RAB37: variants seen among roughly 807,000 people sequenced by gnomAD.
The protein encoded by RAB37 is RAB37, member RAS oncogene family.
Under a neutral mutation model 33.1 loss-of-function variants are expected in RAB37, and 29 were observed. The ratio of observed to expected loss-of-function variants is 0.88; its 90% CI spans 0.65 to 1.20. The LOEUF (loss-of-function observed/expected upper bound fraction) is 1.20, where lower values mean the gene tolerates loss of function less well. Ranked by LOEUF, RAB37 falls within the 50% of genes most tolerant of loss-of-function variation. The pLI, the probability that RAB37 is intolerant of heterozygous loss-of-function variation, is 0.00. For synonymous variants in RAB37, 128 were observed against 119.5 expected, an observed-to-expected ratio of 1.07 and a Z score of -0.47; for missense variants, 299 against 301.1, an observed-to-expected ratio of 0.99 and a Z score of 0.05.
chr17:74,705,084 C>G, intron 1 of RAB37: 1 of 645,716 alleles, frequency 1.5e-6, no homozygotes, highest in Non-Finnish European at 2.8e-6. Flanking sequence ...TCACCCCTCT[C>G]TCCACCCTAC....
intron 1 of RAB37, chr17:74,672,830 T>A (rs2031735575): frequency 1.3e-5 from 2 of 152,212 alleles, no homozygotes; most frequent in African/African-American, 4.8e-5. Flanking sequence ...TAACAAGATC[T>A]CTAGGAATAA....
intron 1 of RAB37, among the ~76,000 whole-genome samples, chr17:74,677,933 T>C (rs2031875503): frequency 6.6e-6 from 1 of 152,176 alleles, no homozygotes; most frequent in South Asian, 2.1e-4. Flanking sequence ...GACTCACTTG[T>C]GTTGCTGCCC....
At position 74,730,035 on chromosome 17, in the gene RAB37, G is replaced by A. The variant is rs920791910; in HGVS notation, c.183+669G>A. Among the ~76,000 whole-genome samples, 9 of 152,224 alleles carry A rather than the reference G, an allele frequency of 5.9e-5. No individual in the cohort carries two copies. The highest frequency in any genetic ancestry group is 2.0e-4 in the Admixed American group (3 of 15,298). On this transcript the variant is annotated intron_variant, in intron 2 of 7. Transcript: ENST00000340415. The surrounding 1 kb of genome is among the most constrained non-coding windows in gnomAD (Gnocchi z 4.4). Reference sequence around the variant, plus strand: ...CCAGTGCCCTCGGCTTTTTCTGCCCGCAGCCCCTCTGCGAGACAAGGGATC... The same window carrying A: ...CCAGTGCCCTCGGCTTTTTCTGCCCACAGCCCCTCTGCGAGACAAGGGATC...
At chr17:74,736,441 C>A, upstream of RAB37, 1 of 730,944 alleles carries the variant, frequency 1.4e-6, no homozygotes, top group Non-Finnish European at 1.7e-6. Context: ...CTGCCGGGTG[C>A]CTGGGATATC....
intron 1 of RAB37, among the ~76,000 whole-genome samples, chr17:74,687,212 A>ATTTT (rs998139025): frequency 3.3e-5 from 5 of 150,640 alleles, no homozygotes; most frequent in South Asian, 2.1e-4. Context: ...TATTTATTTT[A>ATTTT]TTTTTATTTA....
At chr17:74,698,692 C>G (rs1598217616) in intron 1 of RAB37, 1 of 1,248,072 alleles carries the variant, frequency 8.0e-7, no homozygotes, top group Admixed American at 3.0e-5. Flanking sequence ...ACAAGAGACA[C>G]CAGGGCCTAC....
rs147428718 is a variant in RAB37, at chr17:74,713,172, G to T, written c.73-16084G>T. Among the ~76,000 whole-genome samples the T allele has an allele frequency of 9.3e-3, 1,418 of 152,136 alleles. 18 individuals are homozygous for T. The highest frequency in any genetic ancestry group is 0.033 in the African/African-American group (1,350 of 41,510). On this transcript the variant is annotated intron_variant, in intron 1 of 7. Coordinates refer to the RAB37 transcript ENST00000340415. The stretch of plus-strand genomic sequence containing the variant: ...ATACAAAAATTAGCCAGGCGTGGTG[G>T]CGCACACCTGTAGTCCCAGCTACTC...
intron 1 of RAB37, among the ~76,000 whole-genome samples, chr17:74,698,824 A>G (rs910031769): frequency 6.6e-6 from 1 of 152,212 alleles, no homozygotes; most frequent in African/African-American, 2.4e-5. Context: ...CGTGCAATTT[A>G]CCGATATAAC....
chr17:74,682,627 G>A (rs915949581), intron 1 of RAB37, among the ~76,000 whole-genome samples: 16 of 152,194 alleles, frequency 1.1e-4, no homozygotes, highest in Admixed American at 5.2e-4. Flanking sequence ...AAAATGGGCC[G>A]GGCGTGGTGG....
intron 1 of RAB37, chr17:74,705,258 G>A (rs1422054603): frequency 1.4e-6 from 1 of 701,868 alleles, no homozygotes; most frequent in Non-Finnish European, 2.6e-6. Flanking sequence ...AGCCACATCA[G>A]ATGGCTGTGG....
At position 74,698,411 on chromosome 17, in the gene RAB37, C is replaced by G. The variant is rs148594652; in HGVS notation, c.72+26753C>G. The G allele has an allele frequency of 7.4e-6, 12 of 1,613,954 alleles. No individual in the cohort carries two copies. The African/African-American group carries it at 1.6e-4, about 22-fold the overall frequency. ...ATCATCCTCCAAGCCAAGAGTGAGG[C>G]GGCCACCAAAAGCAGCAGCAATATG... On this transcript the variant is annotated intron_variant, in intron 1 of 7. Transcript: ENST00000340415.
chr17:74,735,209 A>G (rs1175152258), upstream of RAB37, among the ~76,000 whole-genome samples: 4 of 98,954 alleles, frequency 4.0e-5, no homozygotes, highest in Non-Finnish European at 5.9e-5. Context: ...GGAGGGAGGA[A>G]GGGAGGAGAG....
chr17:74,695,884 G>T, intron 1 of RAB37: 2 of 1,607,290 alleles, frequency 1.2e-6, no homozygotes, highest in Non-Finnish European at 1.7e-6. Context: ...ACAGGCTGGG[G>T]AGTCACAAGA....
chr17:74,693,608 G>A (rs893741077), intron 1 of RAB37, among the ~76,000 whole-genome samples: 1 of 152,068 alleles, frequency 6.6e-6, no homozygotes, highest in African/African-American at 2.4e-5. Flanking sequence ...CTTTCTGGAA[G>A]GAAGGCTGTC....
intron 1 of RAB37, among the ~76,000 whole-genome samples, chr17:74,691,154 G>A (rs1430871892): frequency 2.6e-5 from 4 of 152,082 alleles, no homozygotes; most frequent in South Asian, 2.1e-4. Flanking sequence ...GACTGCAGGC[G>A]TGCGCCACCA....
chr17:74,685,057 A>G (rs1461511486), intron 1 of RAB37, among the ~76,000 whole-genome samples: 1 of 151,980 alleles, frequency 6.6e-6, no homozygotes, highest in Non-Finnish European at 1.5e-5. Context: ...AAAGAAAATG[A>G]CACATGTACC....
At position 74,738,406 on chromosome 17, in the gene RAB37, A is replaced by G. The variant is rs1283946078; in HGVS notation, c.93+1041A>G. On this transcript the variant is annotated intron_variant, in intron 1 of 8. Coordinates refer to ENST00000392613, the MANE Select transcript of RAB37 (RefSeq NM_001006638.3). This position sits in a 1 kb window ranked among gnomAD's most constrained non-coding sequence, Gnocchi z 5.0. ...CTTGTGGCAGGAAATGGGCCCCTGCACCCTCGGAGAGGAGGAGCTGCTGTT... is the reference window on the plus strand; with the variant it reads ...CTTGTGGCAGGAAATGGGCCCCTGCGCCCTCGGAGAGGAGGAGCTGCTGTT... Among the ~76,000 whole-genome samples, 1 of 152,042 alleles carries G rather than the reference A, an allele frequency of 6.6e-6. No homozygotes were observed. The highest frequency in any genetic ancestry group is 2.4e-5 in the African/African-American group (1 of 41,394).
At chr17:74,735,094 A>G (rs112523871), upstream of RAB37, among the ~76,000 whole-genome samples, 112 of 148,840 alleles carry the variant, frequency 7.5e-4, no homozygotes, top group Admixed American at 1.8e-3. Context: ...AGGAAAAGAG[A>G]GGGGAAGGAA....
At position 74,745,235 on chromosome 17, in the gene RAB37, G is replaced by T; in HGVS notation, c.567-71G>T. ...CTGGGAGCACTGGGCCACTGGGAGAGGGGAGGGGGCGGCTCAGCTCCTCAC... is the reference window on the plus strand; with the variant it reads ...CTGGGAGCACTGGGCCACTGGGAGATGGGAGGGGGCGGCTCAGCTCCTCAC... On this transcript the variant is annotated intron_variant, in intron 8 of 8. Transcript: ENST00000392613. This position sits in a 1 kb window ranked among gnomAD's most constrained non-coding sequence, Gnocchi z 4.5. 1 of 1,548,284 alleles carries T rather than the reference G, an allele frequency of 6.5e-7. No homozygotes were observed. Among genetic ancestry groups the T allele is most frequent in the Non-Finnish European group, 8.9e-7 (1 of 1,121,392 alleles).
Sources: gnomAD v4.1 joint callset for allele counts (sites outside exome capture counted in the v4.1 genomes callset) on GRCh38, gnomAD v4.1.1 for gene constraint, Gnocchi (gnomAD v3.1) non-coding constraint, MANE v1.5 for transcripts, NCBI Gene and HGNC (gene_info 2026-07-23, HGNC 2026-07-21) for gene names.